CRAMP1: variants seen among roughly 807,000 people sequenced by gnomAD.
CRAMP1 encodes protein cramped-like.
Under a neutral mutation model 115.4 loss-of-function variants are expected in CRAMP1, and 50 were observed. The observed-to-expected ratio is 0.43, with a 90% CI of 0.35 to 0.55. The LOEUF (loss-of-function observed/expected upper bound fraction) is 0.55. Among genes scored for constraint, CRAMP1 ranks in the 20% least tolerant of loss-of-function variants. CRAMP1 has a pLI of 0.01. For missense variants in CRAMP1, 1,679 were observed against 1,721.7 expected, an observed-to-expected ratio of 0.98 and a Z score of 0.44; for synonymous variants, 866 against 745.4, an observed-to-expected ratio of 1.16 and a Z score of -2.64.
chr16:1,635,858 C>T (rs953363112), intron 4 of CRAMP1, among the ~76,000 whole-genome samples: 56 of 152,166 alleles, frequency 3.7e-4, no homozygotes, highest in African/African-American at 1.2e-3. Flanking sequence ...CTCTATGGAT[C>T]GTTCTACTCT....
chr16:1,658,801 G>A (rs1487152492), intron 10 of CRAMP1, among the ~76,000 whole-genome samples: 1 of 152,232 alleles, frequency 6.6e-6, no homozygotes, highest in African/African-American at 2.4e-5. Context: ...GGCTCTGAGT[G>A]AGCAGACGGG....
intron 14 of CRAMP1, chr16:1,665,699 C>G (rs1238775100): frequency 3.7e-5 from 9 of 244,482 alleles, no homozygotes; most frequent in Non-Finnish European, 6.3e-5. Flanking sequence ...TGTGGGAAGC[C>G]TGGCAAGATA....
At chr16:1,623,504 A>G (rs1010152515) in intron 2 of CRAMP1, among the ~76,000 whole-genome samples, 1 of 152,258 alleles carries the variant, frequency 6.6e-6, no homozygotes. Flanking sequence ...TATGTCTGTT[A>G]CTTTTTCAAA....
chr16:1,627,211 T>C (rs1044912460), intron 3 of CRAMP1, among the ~76,000 whole-genome samples: 1 of 151,852 alleles, frequency 6.6e-6, no homozygotes, highest in African/African-American at 2.4e-5. Context: ...AGTGGTGCAA[T>C]CTGGGCTCAC....
chr16:1,661,331 C>A (rs1184480948), intron 11 of CRAMP1, among the ~76,000 whole-genome samples: 1 of 150,500 alleles, frequency 6.6e-6, no homozygotes, highest in Non-Finnish European at 1.5e-5. Context: ...AGGTCCTGGC[C>A]TCCTGGGTGA....
At chr16:1,640,731 T>C (rs1331443320) in intron 5 of CRAMP1, among the ~76,000 whole-genome samples, 1 of 152,130 alleles carries the variant, frequency 6.6e-6, no homozygotes, top group Non-Finnish European at 1.5e-5. Context: ...CCGGACACTG[T>C]CAGTACGAGC....
In CRAMP1 at chr16:1,674,093, T is replaced by C. The variant is rs779401926; in HGVS notation, c.*48T>C. 4 of 1,573,826 alleles carry C rather than the reference T, an allele frequency of 2.5e-6. No homozygotes were observed. The highest frequency in any genetic ancestry group is 1.4e-5 in the African/African-American group (1 of 74,012). On this transcript the variant is annotated 3_prime_UTR_variant, in exon 21 of 21. Coordinates refer to ENST00000397412, the MANE Select transcript of CRAMP1 (RefSeq NM_020825.4). ...AAGCCCTCTTCGAGCTAGAGAAAAA[T>C]AGATAAGCCCAGCAGCCCCAGAAGA...
chr16:1,669,125 C>T lies in CRAMP1; in HGVS notation c.3459C>T (p.Tyr1153=), dbSNP rs1157853096. Residue 1153 remains tyrosine, a synonymous_variant, in exon 19 of 21, where the codon TAC becomes TAT. Transcript: ENST00000397412. The surrounding 1 kb of genome is among the most constrained non-coding windows in gnomAD (Gnocchi z 4.6). Reference sequence around the variant, plus strand: ...CTCCCACCCACGACCCCCAGTGGTACCCCAGTGACTCCACCGACTCCTCGC... The same window carrying T: ...CTCCCACCCACGACCCCCAGTGGTATCCCAGTGACTCCACCGACTCCTCGC... The part of the protein sequence containing the change: ...IASPTHDPQW[Y]PSDSTDSSLS... 1.2e-6 allele frequency: 2 copies of T among 1,609,530 alleles called. No individual in the cohort carries two copies. The highest frequency in any genetic ancestry group is 2.7e-5 in the African/African-American group (2 of 74,734).
intron 3 of CRAMP1, among the ~76,000 whole-genome samples, chr16:1,628,614 C>G: frequency 6.6e-6 from 1 of 152,212 alleles, no homozygotes; most frequent in Non-Finnish European, 1.5e-5. Flanking sequence ...CTGGTGGGGT[C>G]TTGATGTGTG....
chr16:1,668,080 C>A lies in CRAMP1; in HGVS notation c.3221C>A (p.Ala1074Asp), dbSNP rs1457817094. Residue 1074 changes from alanine to aspartate, a missense_variant, in exon 18 of 21, where the codon GCT (alanine) becomes GAT (aspartate). Around this residue, in one of 8 missense-constraint regions of CRAMP1, gnomAD observed 709 missense variants for 741.9 expected, o/e 0.96. Transcript: ENST00000397412. ...CGGCTGTCTCCACCAGACGTCTCTGCTCTGCTCGACATCTCCCTGCCCGGC... is the reference window on the plus strand; with the variant it reads ...CGGCTGTCTCCACCAGACGTCTCTGATCTGCTCGACATCTCCCTGCCCGGC... Reference protein sequence around the residue: ...STRLSPPDVSALLDISLPGPP... With the variant: ...STRLSPPDVSDLLDISLPGPP... The A allele has an allele frequency of 6.2e-7, 1 of 1,613,748 alleles. No homozygotes were observed. Among genetic ancestry groups the A allele is most frequent in the Non-Finnish European group, 8.5e-7 (1 of 1,179,858 alleles).
At chr16:1,616,431 G>A (rs982977754) in intron 2 of CRAMP1, among the ~76,000 whole-genome samples, 1 of 152,230 alleles carries the variant, frequency 6.6e-6, no homozygotes, top group African/African-American at 2.4e-5. Context: ...AGGAATGAGA[G>A]CAGCTACTTC....
chr16:1,642,796 A>G (rs1172835209), intron 6 of CRAMP1, among the ~76,000 whole-genome samples: 1 of 152,220 alleles, frequency 6.6e-6, no homozygotes, highest in Non-Finnish European at 1.5e-5. Flanking sequence ...CATTTCCTCC[A>G]TGATTGATGG....
chr16:1,640,463 C>T (rs1301274141), intron 5 of CRAMP1, among the ~76,000 whole-genome samples: 4 of 152,076 alleles, frequency 2.6e-5, no homozygotes, highest in South Asian at 2.1e-4. Context: ...CCTGGTCGTT[C>T]GTTTGTGGAG....
Position 1,662,792 on chromosome 16 carries a change from G to A in CRAMP1, c.2627G>A (p.Arg876Gln), listed in dbSNP as rs922905655. 1.9e-6 allele frequency: 3 copies of A among 1,613,884 alleles called. No homozygotes were observed. Among genetic ancestry groups the A allele is most frequent in the Non-Finnish European group, 1.7e-6 (2 of 1,179,890 alleles). Residue 876 changes from arginine to glutamine, a missense_variant, in exon 13 of 21, where the codon CGG (arginine) becomes CAG (glutamine). Arg to Gln is a conservative substitution (Grantham distance 43). Coordinates refer to ENST00000397412, the MANE Select transcript of CRAMP1 (RefSeq NM_020825.4). ...MQSDFFLPKP[R>Q]KLRNRHLRKP... ...TCGGATTTCTTCCTGCCAAAGCCCC[G>A]GAAGCTGCGGAACCGGCACCTGCGG...
chr16:1,661,313 C>T lies in CRAMP1; in HGVS notation c.2414-1177C>T, dbSNP rs979815561. ...CTCCAGCCTGGGTGACAGAGGGGGC[C>T]GGGTGAGAGGTCCTGGCCTCCTGGG... On this transcript the variant is annotated intron_variant, in intron 11 of 20. Transcript: ENST00000397412. Among the ~76,000 whole-genome samples the T allele has an allele frequency of 1.1e-3, 171 of 151,918 alleles. 3 individuals are homozygous for T. The highest frequency in any genetic ancestry group is 3.6e-3 in the African/African-American group (149 of 41,404).
chr16:1,662,636 G>T lies in CRAMP1; in HGVS notation c.2560G>T (p.Glu854Ter). Reference protein sequence around the residue: ...GKLFSPSKEAELTFRQHLNSI... With the variant: ...GKLFSPSKEA ...GCTCTTCTCTCCCAGTAAAGAAGCA[G>T]AGCTGACTTTCCGCCAGCATCTGAA... The change falls in exon 12 of 21, where the codon GAG (glutamate) becomes TAG (stop). Residue 854 changes from glutamate to a stop codon, truncating the protein, a stop_gained. Transcript: ENST00000397412. LOFTEE classifies it high-confidence loss of function. 1 of 1,614,038 alleles carries T rather than the reference G, an allele frequency of 6.2e-7. No homozygotes were observed. The highest frequency in any genetic ancestry group is 1.1e-5 in the South Asian group (1 of 91,082).
chr16:1,615,036 C>A lies in CRAMP1; in HGVS notation c.346+51C>A. ...ACCCCAGCCCCTCTCCGGGGTGTGC[C>A]GCGGGGGAGAGGAACCCCTCGCCCC... is the stretch of plus-strand genomic sequence containing the variant. On this transcript the variant is annotated intron_variant, in intron 2 of 20. Transcript: ENST00000397412. 4.5e-6 allele frequency: 5 copies of A among 1,114,800 alleles called. No individual in the cohort carries two copies. In the East Asian group the frequency reaches 1.6e-4, roughly 36 times the overall value. 69.1% of individuals were successfully genotyped at this position (1,114,800 alleles called of 1,614,324 possible).
At chr16:1,642,502 C>T (rs1195627680) in intron 6 of CRAMP1, among the ~76,000 whole-genome samples, 2 of 152,236 alleles carry the variant, frequency 1.3e-5, no homozygotes, top group Admixed American at 1.3e-4. Context: ...CAGCCAGGGG[C>T]CGCCAGCCAT....
At chr16:1,670,182 C>T (rs1459514908) in intron 19 of CRAMP1, among the ~76,000 whole-genome samples, 15 of 151,920 alleles carry the variant, frequency 9.9e-5, no homozygotes, top group African/African-American at 2.9e-4. Flanking sequence ...GGGAGGATTG[C>T]TTGAGCCTAG....
Sources: allele counts gnomAD v4.1 joint callset (sites outside exome capture counted in the v4.1 genomes callset), GRCh38; gene constraint gnomAD v4.1.1; regional missense constraint gnomAD v4.1.1; non-coding constraint Gnocchi (gnomAD v3.1); transcripts MANE v1.5; gene names NCBI Gene and HGNC (gene_info 2026-07-23, HGNC 2026-07-21).